PSMA1: variants seen among roughly 807,000 people sequenced by gnomAD.
The protein encoded by PSMA1 is proteasome 20S subunit alpha 1.
A neutral mutation model predicts 38.4 loss-of-function variants in PSMA1; 3 were observed. That is an observed-to-expected ratio of 0.08 (90% CI 0.04 to 0.20). The LOEUF (loss-of-function observed/expected upper bound fraction) is 0.20. Ranked by LOEUF, PSMA1 falls within the 10% of genes least tolerant of loss-of-function variation. The pLI, the probability that PSMA1 is intolerant of heterozygous loss-of-function variation, is 1.00. For synonymous variants in PSMA1, 101 were observed against 107.1 expected (o/e 0.94, Z 0.35); for missense variants, 227 against 325.3 (o/e 0.70, Z 2.32).
intron 2 of PSMA1, among the ~76,000 whole-genome samples, chr11:14,607,064 C>T (rs187052844): frequency 4.3e-4 from 65 of 152,238 alleles, no homozygotes; most frequent in Non-Finnish European, 2.5e-4. Flanking sequence ...GAGGAAGGAG[C>T]TGAGATGAGC....
At position 14,622,919 on chromosome 11, in the gene PSMA1, T is replaced by C. The variant is rs144893299; in HGVS notation, c.-165-11768A>G. Among the ~76,000 whole-genome samples, 286 of 152,312 alleles carry C rather than the reference T, an allele frequency of 1.9e-3. 1 individual carries two copies. The highest frequency in any genetic ancestry group is 3.0e-3 in the Non-Finnish European group (201 of 68,026). ...TTCTGGGGCAAGGCTATGCCATTTGTAGCATAGAATTATATGTCTTTTGAG... is the reference window on the plus strand; with the variant it reads ...TTCTGGGGCAAGGCTATGCCATTTGCAGCATAGAATTATATGTCTTTTGAG... On this transcript the variant is annotated intron_variant, in intron 1 of 10. Coordinates refer to the PSMA1 transcript ENST00000418988.
chr11:14,530,175 T>G (rs1851632270), intron 2 of PSMA1, among the ~76,000 whole-genome samples: 1 of 152,020 alleles, frequency 6.6e-6, no homozygotes, highest in African/African-American at 2.4e-5. Flanking sequence ...GGATCATATA[T>G]CAAAGTTTCA....
At chr11:14,608,207 C>T (rs1267556765) in intron 2 of PSMA1, among the ~76,000 whole-genome samples, 3 of 151,996 alleles carry the variant, frequency 2.0e-5, no homozygotes, top group Non-Finnish European at 4.4e-5. Flanking sequence ...AAAAATTGGC[C>T]AAGCTTGCTG....
At chr11:14,590,240 GAA>G (rs1291655858) in intron 2 of PSMA1, among the ~76,000 whole-genome samples, 1 of 152,220 alleles carries the variant, frequency 6.6e-6, no homozygotes. Flanking sequence ...TCTGCAAGAT[GAA>G]AAGAGTTCTA....
At chr11:14,538,523 C>T (rs759018441) in intron 2 of PSMA1, among the ~76,000 whole-genome samples, 15 of 152,234 alleles carry the variant, frequency 9.9e-5, no homozygotes, top group Non-Finnish European at 2.1e-4. Flanking sequence ...TTCCATATCC[C>T]TTAACTCTTG....
chr11:14,507,672 G>C lies in PSMA1; in HGVS notation c.719C>G (p.Pro240Arg). 6.2e-7 allele frequency: 1 copy of C among 1,605,076 alleles called. No individual in the cohort carries two copies. The highest frequency in any genetic ancestry group is 8.5e-7 in the Non-Finnish European group (1 of 1,172,852). ...SPFLEGLEER[P>R]QRKAQPAQPA... ...ATTATATACCTGTGCCTTTCTCTGT[G>C]GTCTTTCTTCAAGACCTTCCAGGAA... is the stretch of plus-strand genomic sequence containing the variant. The change falls in exon 9 of 10, where the codon CCA becomes CGA. Residue 240 changes from proline to arginine, a missense_variant. Pro to Arg is a moderately radical substitution (Grantham distance 103, BLOSUM62 -2). Transcript: ENST00000396394.
In PSMA1 at chr11:14,527,335, C is replaced by T. The variant is rs555065709; in HGVS notation, c.22-8294G>A. On this transcript the variant is annotated intron_variant, in intron 2 of 10. Transcript: ENST00000418988. The stretch of plus-strand genomic sequence containing the variant: ...TTCCACCTATCAATCTCTTCCCAAA[C>T]AAGGCAAATGGTTCTTGGGCCAAGG... Among the ~76,000 whole-genome samples the T allele has an allele frequency of 3.9e-5, 6 of 152,304 alleles. No individual in the cohort carries two copies. In the South Asian group the frequency reaches 1.0e-3, roughly 26 times the overall value.
chr11:14,633,718 C>T (rs1026625858), intron 1 of PSMA1, among the ~76,000 whole-genome samples: 2 of 152,130 alleles, frequency 1.3e-5, no homozygotes, highest in East Asian at 3.9e-4. Flanking sequence ...TGGGCAATGG[C>T]GGGCACCCCT....
At chr11:14,513,737 TTTGG>T (rs1300076328) in intron 6 of PSMA1, 38 bp from the exon 7 acceptor site, 4 of 1,552,152 alleles carry the variant, frequency 2.6e-6, no homozygotes, top group Middle Eastern at 1.8e-4. Flanking sequence ...AATTATTTAC[TTTGG>T]TTGAACTAAA....
At chr11:14,600,600 C>T (rs1852568600) in intron 2 of PSMA1, among the ~76,000 whole-genome samples, 1 of 152,218 alleles carries the variant, frequency 6.6e-6, no homozygotes, top group African/African-American at 2.4e-5. Context: ...ACCTTGGGAA[C>T]AGCACTGTAT....
chr11:14,621,703 TTTTGAGTTTTCC>T (rs1291893370), intron 1 of PSMA1, among the ~76,000 whole-genome samples: 3 of 152,244 alleles, frequency 2.0e-5, no homozygotes, highest in Non-Finnish European at 2.9e-5. Context: ...ATCAGTTTTC[TTTTGAGTTTTCC>T]TTGGAAACCT....
chr11:14,517,237 T>A (rs1851445483), intron 4 of PSMA1, among the ~76,000 whole-genome samples: 1 of 152,214 alleles, frequency 6.6e-6, no homozygotes, highest in Non-Finnish European at 1.5e-5. Context: ...CCCTGCAGTA[T>A]CCAGTATTGA....
chr11:14,605,415 A>T (rs993139854), intron 2 of PSMA1, among the ~76,000 whole-genome samples: 2 of 151,744 alleles, frequency 1.3e-5, no homozygotes, highest in African/African-American at 2.4e-5. Context: ...ACAGAGTCTC[A>T]CTCTGTCACC....
At chr11:14,521,768 AAAAAAAAAAAC>A (rs1429824837), upstream of PSMA1, among the ~76,000 whole-genome samples, 1 of 150,932 alleles carries the variant, frequency 6.6e-6, no homozygotes, top group Non-Finnish European at 1.5e-5. Flanking sequence ...TCCATCTCAA[AAAAAAAAAAAC>A]AAAAAACAAA....
At chr11:14,590,767 T>A (rs996516670) in intron 2 of PSMA1, among the ~76,000 whole-genome samples, 6 of 152,060 alleles carry the variant, frequency 3.9e-5, no homozygotes, top group African/African-American at 1.4e-4. Flanking sequence ...AAACGCAAGA[T>A]CAAAACCCGA....
rs535417200 is a variant in PSMA1 at position 14,542,828 on chromosome 11, G to A, written c.22-23787C>T. Among the ~76,000 whole-genome samples the A allele has an allele frequency of 2.6e-5, 4 of 152,296 alleles. No homozygotes were observed. In the East Asian group the frequency reaches 7.7e-4, roughly 29 times the overall value. On this transcript the variant is annotated intron_variant, in intron 2 of 10. Coordinates refer to the PSMA1 transcript ENST00000418988. ...CCAGAAACCATCTTTGCAGGTTGGCGAAGCTAATGGATTCCTTCTCAGAAT... is the reference window on the plus strand; with the variant it reads ...CCAGAAACCATCTTTGCAGGTTGGCAAAGCTAATGGATTCCTTCTCAGAAT...
intron 1 of PSMA1, among the ~76,000 whole-genome samples, chr11:14,519,627 A>T (rs540776950): frequency 6.6e-6 from 1 of 152,342 alleles, no homozygotes; most frequent in African/African-American, 2.4e-5. Context: ...AGAGGTGGAC[A>T]CAAATAGCTG....
chr11:14,605,069 T>C (rs1852626754), intron 2 of PSMA1, among the ~76,000 whole-genome samples: 1 of 152,226 alleles, frequency 6.6e-6, no homozygotes, highest in South Asian at 2.1e-4. Context: ...GATATATACC[T>C]AGTAATGGGA....
intron 1 of PSMA1, among the ~76,000 whole-genome samples, chr11:14,627,455 T>C (rs1022624339): frequency 1.3e-5 from 2 of 152,202 alleles, no homozygotes; most frequent in Non-Finnish European, 2.9e-5. Context: ...AAAAGTTATC[T>C]GGATGGTTCT....
Sources: gnomAD v4.1 joint callset for allele counts (sites outside exome capture counted in the v4.1 genomes callset) on GRCh38, gnomAD v4.1.1 for gene constraint, MANE v1.5 for transcripts, NCBI Gene and HGNC (gene_info 2026-07-23, HGNC 2026-07-21) for gene names.